The following MCFD2 variants were observed in gnomAD, a reference collection of about 807,000 sequenced individuals.
The protein encoded by MCFD2 is multiple coagulation factor deficiency protein 2.
A neutral mutation model predicts 12.8 loss-of-function variants in MCFD2; 11 were observed. That is an observed-to-expected ratio of 0.86 (90% CI 0.54 to 1.42). MCFD2 has a LOEUF of 1.42. Ranked by LOEUF, MCFD2 falls within the 40% of genes most tolerant of loss-of-function variation. MCFD2 has a pLI of 0.00. For synonymous variants in MCFD2, 70 were observed against 68.1 expected (o/e 1.03, Z -0.14); for missense variants, 191 against 178.6 (o/e 1.07, Z -0.40).
chr2:46,915,805 C>CGGGGGGGGGGGGGGGGGGGGGGGGGG lies in MCFD2; in HGVS notation c.-90_-89insCCCCCCCCCCCCCCCCCCCCCCCCCC. 3.0e-5 allele frequency: 11 copies of CGGGGGGGGGGGGGGGGGGGGGGGGGG among 368,306 alleles called. No individual in the cohort carries two copies. Among genetic ancestry groups the CGGGGGGGGGGGGGGGGGGGGGGGGGG allele is most frequent in the East Asian group, 7.1e-4 (1 of 1,410 alleles). The allele number at this position is 368,306 out of a possible 1,614,324, so 22.8% of individuals were successfully genotyped here. ...TCCCCAAAACGCTCTTCCTCGGCTT[C>CGGGGGGGGGGGGGGGGGGGGGGGGGG]GCCCCGCCCCCCCCCCCCCCCCGAC... On this transcript the variant is annotated 5_prime_UTR_variant, in exon 1 of 4. Transcript: ENST00000319466.
chr2:46,902,218 T>C lies in MCFD2; in HGVS notation c.*3245A>G, dbSNP rs1270959872. ...AAGATTCACACTGTTAAAGGGTTTT[T>C]TGGGTTCCTTTTCTAATCTTTCCTG... On this transcript the variant is annotated 3_prime_UTR_variant, in exon 4 of 4. Coordinates refer to ENST00000319466, the MANE Select transcript of MCFD2 (RefSeq NM_139279.6). 6.6e-6 allele frequency: 1 copy of C among 152,660 alleles called. No individual in the cohort carries two copies. The highest frequency in any genetic ancestry group is 1.5e-5 in the Non-Finnish European group (1 of 68,046). 9.5% of individuals were successfully genotyped at this position (152,660 alleles called of 1,614,324 possible).
chr2:46,930,558 G>A (rs1669640842), intron 1 of MCFD2, among the ~76,000 whole-genome samples: 1 of 149,604 alleles, frequency 6.7e-6, no homozygotes, highest in African/African-American at 2.5e-5. Context: ...GGAATGCAGT[G>A]GCGCGATCTT....
chr2:46,914,552 A>T (rs369204446), intron 1 of MCFD2, among the ~76,000 whole-genome samples: 1 of 152,350 alleles, frequency 6.6e-6, no homozygotes, highest in African/African-American at 2.4e-5. Context: ...CTATTTGTTC[A>T]TCTAGGGAGC....
intron 1 of MCFD2, among the ~76,000 whole-genome samples, chr2:46,928,678 G>T (rs1669532339): frequency 6.6e-6 from 1 of 152,044 alleles, no homozygotes; most frequent in Non-Finnish European, 1.5e-5. Flanking sequence ...ACTGAGGTTG[G>T]AGGATGGCTT....
In MCFD2 at chr2:46,908,937, AAAG is replaced by A; in HGVS notation, c.149+83_149+85del. On this transcript the variant is annotated intron_variant, in intron 2 of 3. Coordinates refer to ENST00000319466, the MANE Select transcript of MCFD2 (RefSeq NM_139279.6). This position sits in a 1 kb window ranked among gnomAD's most constrained non-coding sequence, Gnocchi z 4.5. ...AGGAGCCATAGAAACAGGAAGAAGG[AAAG>A]GAGGACTGAGCATGCCCTTGCCGCT... 1.9e-6 allele frequency: 3 copies of A among 1,539,928 alleles called. No individual in the cohort carries two copies. The highest frequency in any genetic ancestry group is 1.4e-5 in the African/African-American group (1 of 73,576).
Position 46,909,057 on chromosome 2 carries a change from T to G in MCFD2, c.115A>C (p.Met39Leu), listed in dbSNP as rs757163409. The G allele has an allele frequency of 6.2e-7, 1 of 1,614,226 alleles. No individual in the cohort carries two copies. ...PAASFSQPGS[M>L]GLDKNTVHDQ... ...TGCACTGTGTTCTTATCCAGGCCCA[T>G]GCTGCCGGGTTGGGAGAAGCTGGCT... Residue 39 changes from methionine (M) to leucine (L), a missense_variant, in exon 2 of 4, where the codon ATG (methionine) becomes CTG (leucine). By Grantham distance (15) the Met-to-Leu change is conservative (BLOSUM62 2). Transcript: ENST00000319466.
In MCFD2 at chr2:46,908,940, G is replaced by A. The variant is rs1668360971; in HGVS notation, c.149+83C>T. 6 of 1,550,112 alleles carry A rather than the reference G, an allele frequency of 3.9e-6. No homozygotes were observed. Among genetic ancestry groups the A allele is most frequent in the East Asian group, 4.5e-5 (2 of 44,630 alleles). The stretch of plus-strand genomic sequence containing the variant: ...AGCCATAGAAACAGGAAGAAGGAAA[G>A]GAGGACTGAGCATGCCCTTGCCGCT... On this transcript the variant is annotated intron_variant, in intron 2 of 3. Coordinates refer to ENST00000319466, the MANE Select transcript of MCFD2 (RefSeq NM_139279.6). The surrounding 1 kb of genome is among the most constrained non-coding windows in gnomAD (Gnocchi z 4.5).
intron 1 of MCFD2, among the ~76,000 whole-genome samples, chr2:46,910,095 G>C (rs1668423681): frequency 6.6e-6 from 1 of 152,188 alleles, no homozygotes; most frequent in Non-Finnish European, 1.5e-5. Context: ...GCACTGGAAA[G>C]AAAAGTTACA....
Position 46,904,216 on chromosome 2 carries a change from CCCTCTCAGCGGCAGGG to C in MCFD2, c.*1231_*1246del, listed in dbSNP as rs1668125108. 1 of 132,218 alleles carries C rather than the reference CCCTCTCAGCGGCAGGG, an allele frequency of 7.6e-6. No individual in the cohort carries two copies. The highest frequency in any genetic ancestry group is 3.5e-5 in the African/African-American group (1 of 28,952). 8.2% of individuals were successfully genotyped at this position (132,218 alleles called of 1,614,324 possible). On this transcript the variant is annotated 3_prime_UTR_variant, in exon 4 of 4. Transcript: ENST00000319466. ...GCAAACGTTTGCTGCAGGGGAGAGG[CCCTCTCAGCGGCAGGG>C]GAGAGAACCTCTGCTAGGGCAGTGC...
At chr2:46,923,114 G>A (rs1572636245) in intron 1 of MCFD2, among the ~76,000 whole-genome samples, 1 of 152,198 alleles carries the variant, frequency 6.6e-6, no homozygotes, top group African/African-American at 2.4e-5. Flanking sequence ...CTCCTGGCCT[G>A]TGGATGTCTT....
At chr2:46,915,675 G>T in intron 1 of MCFD2, 48 bp downstream of exon 1, 1 of 750,542 alleles carries the variant, frequency 1.3e-6, no homozygotes, top group South Asian at 6.1e-5. Context: ...GCCCACAGGA[G>T]AGGCGCCGGG....
chr2:46,928,757 AC>A (rs1669536401), intron 1 of MCFD2, among the ~76,000 whole-genome samples: 1 of 151,002 alleles, frequency 6.6e-6, no homozygotes, highest in Non-Finnish European at 1.5e-5. Context: ...GTAATGTGAG[AC>A]TGTTTCAAAA....
At chr2:46,929,675 A>G (rs1669591793) in intron 1 of MCFD2, among the ~76,000 whole-genome samples, 1 of 152,216 alleles carries the variant, frequency 6.6e-6, no homozygotes, top group Non-Finnish European at 1.5e-5. Flanking sequence ...GTATCTTAAA[A>G]ATAAGAAAGA....
In MCFD2 at chr2:46,904,875, T is replaced by TC; in HGVS notation, c.*587_*588insG. On this transcript the variant is annotated 3_prime_UTR_variant, in exon 4 of 4. Coordinates refer to ENST00000319466, the MANE Select transcript of MCFD2 (RefSeq NM_139279.6). ...TGGAGGGGCCAGGGGTAGAATGATA[T>TC]GGTTTGGCTATGTCCCCACCCAAAT... The TC allele has an allele frequency of 1.1e-5, 2 of 178,098 alleles. No homozygotes were observed. Among genetic ancestry groups the TC allele is most frequent in the East Asian group, 1.5e-4 (1 of 6,712 alleles). 11.0% of individuals were successfully genotyped at this position (178,098 alleles called of 1,614,324 possible).
upstream of MCFD2, chr2:46,916,279 G>T (rs1210540480): frequency 1.5e-6 from 1 of 660,412 alleles, no homozygotes; most frequent in Non-Finnish European, 1.9e-6. Flanking sequence ...GCCGGCCTTG[G>T]ACCCTACGTT....
intron 1 of MCFD2, among the ~76,000 whole-genome samples, chr2:46,923,441 G>T (rs547737094): frequency 4.6e-5 from 7 of 152,210 alleles, no homozygotes. Flanking sequence ...GATTGTAGGA[G>T]TTGTATGCTA....
At chr2:46,928,196 A>G (rs1669499180) in intron 1 of MCFD2, among the ~76,000 whole-genome samples, 1 of 151,962 alleles carries the variant, frequency 6.6e-6, no homozygotes, top group South Asian at 2.1e-4. Flanking sequence ...CCAGCCTTGT[A>G]TTAGTTTTCT....
In MCFD2 at chr2:46,905,005, A is replaced by C; in HGVS notation, c.*458T>G. 1 of 265,402 alleles carries C rather than the reference A, an allele frequency of 3.8e-6. No individual in the cohort carries two copies. Among genetic ancestry groups the C allele is most frequent in the Non-Finnish European group, 7.3e-6 (1 of 136,742 alleles). The allele number at this position is 265,402 out of a possible 1,614,324, so 16.4% of individuals were successfully genotyped here. A position where few individuals can be genotyped will look rare whatever the true frequency, so the allele number is the denominator to read the frequency against. On this transcript the variant is annotated 3_prime_UTR_variant, in exon 4 of 4. Coordinates refer to ENST00000319466, the MANE Select transcript of MCFD2 (RefSeq NM_139279.6). ...CAGTCTTTCCCATGCTATTCTTGTG[A>C]TAGTGAATAAGTTTCACAAGATCTG...
At position 46,941,623 on chromosome 2, in the gene MCFD2, C is replaced by T; in HGVS notation, c.-59G>A. 1 of 1,555,764 alleles carries T rather than the reference C, an allele frequency of 6.4e-7. No homozygotes were observed. On this transcript the variant is annotated 5_prime_UTR_variant, in exon 1 of 3. Coordinates refer to the MCFD2 transcript ENST00000409147. The surrounding 1 kb of genome is among the most constrained non-coding windows in gnomAD (Gnocchi z 4.2). Reference sequence around the variant, plus strand: ...CTGCCGCGCCGAGGGCCACTGGGACCGCATGCCGGAGCTGGTCCGGCAGCT... The same window carrying T: ...CTGCCGCGCCGAGGGCCACTGGGACTGCATGCCGGAGCTGGTCCGGCAGCT...
Sources: gnomAD v4.1 joint callset for allele counts (sites outside exome capture counted in the v4.1 genomes callset) on GRCh38, gnomAD v4.1.1 for gene constraint, Gnocchi (gnomAD v3.1) non-coding constraint, MANE v1.5 for transcripts, NCBI Gene and HGNC (gene_info 2026-07-23, HGNC 2026-07-21) for gene names.